OPCML: variants seen among roughly 807,000 people sequenced by gnomAD.
OPCML encodes opioid-binding protein/cell adhesion molecule.
A neutral mutation model predicts 37.8 loss-of-function variants in OPCML; 13 were observed. The observed-to-expected ratio is 0.34, with a 90% CI of 0.22 to 0.55. The LOEUF (loss-of-function observed/expected upper bound fraction) is 0.55. OPCML is among the 20% of genes least tolerant of loss of function. The probability of loss-of-function intolerance (pLI) is 0.91; values close to 1 mark genes in which losing one functional copy is unlikely to be tolerated. For synonymous variants in OPCML, 176 were observed against 168.8 expected (o/e 1.04, Z -0.33); for missense variants, 341 against 435.6 (o/e 0.78, Z 1.93).
chr11:132,676,975 A>G (rs1295965626), intron 2 of OPCML, among the ~76,000 whole-genome samples: 2 of 152,046 alleles, frequency 1.3e-5, no homozygotes, highest in Non-Finnish European at 2.9e-5. Flanking sequence ...ATCACATTTG[A>G]TATAATCATC....
intron 1 of OPCML, among the ~76,000 whole-genome samples, chr11:133,383,900 T>C (rs888608440): frequency 1.3e-5 from 2 of 152,248 alleles, no homozygotes; most frequent in Admixed American, 1.3e-4. Context: ...ATATGCTTCA[T>C]GCTACAGTGC....
At chr11:133,182,601 ATG>A (rs1937887017) in intron 1 of OPCML, among the ~76,000 whole-genome samples, 1 of 152,178 alleles carries the variant, frequency 6.6e-6, no homozygotes, top group Non-Finnish European at 1.5e-5. Context: ...CCAGGAAAAA[ATG>A]CCAAGTGCTG....
intron 1 of OPCML, among the ~76,000 whole-genome samples, chr11:133,464,897 G>A (rs1337075071): frequency 6.6e-6 from 1 of 152,072 alleles, no homozygotes; most frequent in East Asian, 1.9e-4. Flanking sequence ...TGATCTCAAG[G>A]CCCTTAGACT....
intron 1 of OPCML, among the ~76,000 whole-genome samples, chr11:133,100,141 T>C (rs944566148): frequency 1.3e-5 from 2 of 152,118 alleles, no homozygotes; most frequent in African/African-American, 2.4e-5. Context: ...GGGACAAAGA[T>C]GGGACGAGAC....
At chr11:133,120,219 TATAC>T (rs1223685600) in intron 1 of OPCML, among the ~76,000 whole-genome samples, 1 of 152,194 alleles carries the variant, frequency 6.6e-6, no homozygotes, top group East Asian at 1.9e-4. Flanking sequence ...TATTTGTGTG[TATAC>T]ATACAAACAC....
intron 1 of OPCML, among the ~76,000 whole-genome samples, chr11:133,350,114 A>T (rs1261015220): frequency 2.0e-5 from 3 of 152,180 alleles, no homozygotes; most frequent in Non-Finnish European, 4.4e-5. Flanking sequence ...TCTTTTTCTC[A>T]GTCACTGCAG....
At chr11:133,232,381 T>C (rs367826582) in intron 1 of OPCML, among the ~76,000 whole-genome samples, 3 of 152,368 alleles carry the variant, frequency 2.0e-5, no homozygotes, top group African/African-American at 7.2e-5. Context: ...TCCCAGTTTC[T>C]GTTCCTTCAT....
At chr11:132,800,697 G>C (rs908489054) in intron 2 of OPCML, among the ~76,000 whole-genome samples, 9 of 152,108 alleles carry the variant, frequency 5.9e-5, no homozygotes, top group Non-Finnish European at 1.3e-4. Flanking sequence ...CTATTAAAAT[G>C]GTGGATTACA....
At chr11:132,719,091 G>A (rs1944589068) in intron 2 of OPCML, among the ~76,000 whole-genome samples, 1 of 152,190 alleles carries the variant, frequency 6.6e-6, no homozygotes, top group African/African-American at 2.4e-5. Flanking sequence ...GCAAGGAGAG[G>A]GCCCAGGAAG....
chr11:132,996,835 AT>A (rs1202090638), intron 1 of OPCML, among the ~76,000 whole-genome samples: 2 of 152,158 alleles, frequency 1.3e-5, no homozygotes, highest in African/African-American at 4.8e-5. Flanking sequence ...GATGTCTATT[AT>A]TTTAAACATA....
At chr11:133,123,795 G>A (rs929827501) in intron 1 of OPCML, among the ~76,000 whole-genome samples, 16 of 152,056 alleles carry the variant, frequency 1.1e-4, no homozygotes, top group South Asian at 2.1e-4. Flanking sequence ...GGGGTTATGG[G>A]GTTTTAATTA....
intron 2 of OPCML, among the ~76,000 whole-genome samples, chr11:132,882,012 AG>A (rs1276183769): frequency 2.0e-5 from 3 of 152,212 alleles, no homozygotes; most frequent in African/African-American, 7.2e-5. Flanking sequence ...TTAGGGGCTA[AG>A]GAGACTTAAC....
intron 2 of OPCML, among the ~76,000 whole-genome samples, chr11:132,663,402 A>G (rs1359233439): frequency 6.6e-6 from 1 of 152,238 alleles, no homozygotes; most frequent in East Asian, 1.9e-4. Context: ...GTATCTACAT[A>G]GACACACATA....
intron 2 of OPCML, chr11:132,859,362 T>C (rs1484714319): frequency 6.6e-6 from 1 of 152,252 alleles, no homozygotes; most frequent in South Asian, 2.1e-4. Context: ...TGGGTGGCTA[T>C]GTTGGAAAAA....
chr11:133,207,582 G>A (rs1394273756), intron 1 of OPCML, among the ~76,000 whole-genome samples: 2 of 152,178 alleles, frequency 1.3e-5, no homozygotes, highest in African/African-American at 4.8e-5. Flanking sequence ...AACGGCGGCG[G>A]TTGGGCTAGG....
intron 1 of OPCML, among the ~76,000 whole-genome samples, chr11:133,478,023 C>A (rs1947282547): frequency 6.6e-6 from 1 of 152,090 alleles, no homozygotes; most frequent in Non-Finnish European, 1.5e-5. Flanking sequence ...ATGAGAAAGC[C>A]AATTTGGCTG....
chr11:133,373,782 G>A (rs1254116283), intron 1 of OPCML, among the ~76,000 whole-genome samples: 1 of 152,020 alleles, frequency 6.6e-6, no homozygotes, highest in Non-Finnish European at 1.5e-5. Context: ...CATTCTATAA[G>A]CTGCCTTTTC....
At position 133,126,995 on chromosome 11, in the gene OPCML, T is replaced by G. The variant is rs555579613; in HGVS notation, c.62-183985A>C. ...TGGTACTTTAGATGGCATCCACATT[T>G]TCACTGCATGGCCAGCTCTATTGAC... On this transcript the variant is annotated intron_variant, in intron 1 of 7. Transcript: ENST00000524381. Among the ~76,000 whole-genome samples the G allele has an allele frequency of 3.3e-5, 5 of 152,328 alleles. No homozygotes were observed. The South Asian group carries it at 1.0e-3, about 32-fold the overall frequency.
intron 2 of OPCML, among the ~76,000 whole-genome samples, chr11:132,707,950 C>T (rs1339511218): frequency 6.6e-6 from 1 of 151,972 alleles, no homozygotes; most frequent in Non-Finnish European, 1.5e-5. Context: ...AAGAGTGTGT[C>T]ACATAAAAGC....
Sources: allele counts gnomAD v4.1 joint callset (sites outside exome capture counted in the v4.1 genomes callset), GRCh38; gene constraint gnomAD v4.1.1; transcripts MANE v1.5; gene names NCBI Gene and HGNC (gene_info 2026-07-23, HGNC 2026-07-21).